EPHA6: variants seen among roughly 807,000 people sequenced by gnomAD.
EPHA6 encodes the protein ephrin type-A receptor 6.
Under a neutral mutation model 112.0 loss-of-function variants are expected in EPHA6, and 50 were observed. The ratio of observed to expected loss-of-function variants is 0.45; its 90% CI spans 0.36 to 0.56. The LOEUF (loss-of-function observed/expected upper bound fraction) is 0.56. EPHA6 is among the 20% of genes least tolerant of loss of function. EPHA6 has a pLI of 0.00. For synonymous variants in EPHA6, 529 were observed against 490.7 expected, an observed-to-expected ratio of 1.08 and a Z score of -1.03; for missense variants, 1,280 against 1,417.4, an observed-to-expected ratio of 0.90 and a Z score of 1.56.
chr3:96,902,126 G>A (rs748199276), intron 2 of EPHA6, among the ~76,000 whole-genome samples: 60 of 152,280 alleles, frequency 3.9e-4, no homozygotes, highest in Non-Finnish European at 2.8e-4. Context: ...CCATGGAAAG[G>A]ACAAGGACGA....
intron 3 of EPHA6, among the ~76,000 whole-genome samples, chr3:97,129,524 A>C (rs1035139875): frequency 3.3e-5 from 5 of 152,010 alleles, no homozygotes; most frequent in Admixed American, 6.6e-5. Flanking sequence ...CAAACAAAAA[A>C]AAAAACAACA....
intron 14 of EPHA6, among the ~76,000 whole-genome samples, chr3:97,638,957 C>A (rs979057231): frequency 1.3e-5 from 2 of 152,010 alleles, no homozygotes; most frequent in Non-Finnish European, 2.9e-5. Context: ...ATTATTGAGT[C>A]CTTTTTTATT....
intron 5 of EPHA6, among the ~76,000 whole-genome samples, chr3:97,374,143 T>C: frequency 6.6e-6 from 1 of 152,114 alleles, no homozygotes; most frequent in East Asian, 1.9e-4. Flanking sequence ...AAAGTATAAG[T>C]TAAGGCAAAG....
intron 15 of EPHA6, among the ~76,000 whole-genome samples, chr3:97,724,150 T>C (rs1191081303): frequency 6.6e-6 from 1 of 152,214 alleles, no homozygotes; most frequent in Non-Finnish European, 1.5e-5. Flanking sequence ...AATGTTACCA[T>C]GTTTTATGAT....
intron 14 of EPHA6, among the ~76,000 whole-genome samples, chr3:97,692,751 G>A (rs1290496953): frequency 6.6e-6 from 1 of 152,116 alleles, no homozygotes; most frequent in African/African-American, 2.4e-5. Context: ...ACATCACTGT[G>A]GCTCAGTTTT....
intron 3 of EPHA6, among the ~76,000 whole-genome samples, chr3:97,098,632 C>A (rs1056550762): frequency 2.6e-5 from 4 of 151,650 alleles, no homozygotes; most frequent in Non-Finnish European, 4.4e-5. Context: ...AGTAGTTGAA[C>A]CTCTAAGACT....
At chr3:97,083,774 A>AT (rs139463653) in intron 3 of EPHA6, among the ~76,000 whole-genome samples, 2,053 of 152,002 alleles carry the variant, frequency 0.014, 21 homozygotes, top group Middle Eastern at 0.041. Flanking sequence ...TTGCAGGCAT[A>AT]TATACACAAA....
At chr3:97,631,067 T>C (rs914667388) in intron 13 of EPHA6, among the ~76,000 whole-genome samples, 4 of 151,998 alleles carry the variant, frequency 2.6e-5, no homozygotes, top group African/African-American at 9.7e-5. Context: ...ACTATTCTAA[T>C]TCCTCCAGAT....
intron 3 of EPHA6, among the ~76,000 whole-genome samples, chr3:97,113,362 C>T (rs1220304461): frequency 6.6e-6 from 1 of 151,790 alleles, no homozygotes; most frequent in East Asian, 1.9e-4. Flanking sequence ...ATGCAGTTGC[C>T]AAAAAAGACT....
At chr3:97,604,333 C>A (rs1405006041) in intron 12 of EPHA6, among the ~76,000 whole-genome samples, 1 of 151,540 alleles carries the variant, frequency 6.6e-6, no homozygotes, top group Non-Finnish European at 1.5e-5. Flanking sequence ...TATAGAGTAA[C>A]CAATCATCCT....
intron 11 of EPHA6, among the ~76,000 whole-genome samples, chr3:97,574,793 A>T (rs1425576110): frequency 1.3e-5 from 2 of 152,184 alleles, no homozygotes; most frequent in African/African-American, 4.8e-5. Context: ...TTTCACTAGT[A>T]GCCAGTGATA....
chr3:97,386,719 G>T (rs1269129591), intron 5 of EPHA6, among the ~76,000 whole-genome samples: 2 of 152,204 alleles, frequency 1.3e-5, no homozygotes, highest in Non-Finnish European at 2.9e-5. Flanking sequence ...TATACACTGT[G>T]CCAGTTGTGA....
chr3:97,727,034 T>G (rs1023976861), intron 15 of EPHA6, among the ~76,000 whole-genome samples: 3 of 152,014 alleles, frequency 2.0e-5, no homozygotes. Context: ...AAAATCACCT[T>G]GAAGCACTTT....
chr3:97,567,283 AC>A (rs1165825785), intron 11 of EPHA6, among the ~76,000 whole-genome samples: 5 of 152,226 alleles, frequency 3.3e-5, no homozygotes, highest in African/African-American at 4.8e-5. Flanking sequence ...GATTTGAAGA[AC>A]AAAAAAAACT....
chr3:97,725,663 T>C (rs2034730017), intron 15 of EPHA6, among the ~76,000 whole-genome samples: 1 of 152,136 alleles, frequency 6.6e-6, no homozygotes, highest in Non-Finnish European at 1.5e-5. Context: ...TATTGACATT[T>C]GGGGCCAAAA....
At chr3:97,458,980 T>C (rs2090793420) in intron 7 of EPHA6, among the ~76,000 whole-genome samples, 1 of 152,118 alleles carries the variant, frequency 6.6e-6, no homozygotes, top group Non-Finnish European at 1.5e-5. Flanking sequence ...CAATATGTAT[T>C]GTATAAGGGA....
At chr3:97,579,561 C>G (rs149734280) in intron 11 of EPHA6, among the ~76,000 whole-genome samples, 2 of 152,298 alleles carry the variant, frequency 1.3e-5, no homozygotes, top group East Asian at 3.9e-4. Context: ...CCTCATTCTC[C>G]ATTGACCCTA....
intron 10 of EPHA6, among the ~76,000 whole-genome samples, chr3:97,485,708 G>A (rs1194337967): frequency 1.1e-4 from 17 of 152,328 alleles, no homozygotes; most frequent in Non-Finnish European, 2.2e-4. Flanking sequence ...ATTGAGAAGA[G>A]TGATTGAATT....
At chr3:97,486,897 A>C (rs957485317) in intron 10 of EPHA6, among the ~76,000 whole-genome samples, 5 of 152,236 alleles carry the variant, frequency 3.3e-5, no homozygotes, top group African/African-American at 9.6e-5. Context: ...CCAATTTGTA[A>C]CTATAAATAT....
Sources: allele counts gnomAD v4.1 joint callset (sites outside exome capture counted in the v4.1 genomes callset), GRCh38; gene constraint gnomAD v4.1.1; transcripts MANE v1.5; gene names NCBI Gene and HGNC (gene_info 2026-07-23, HGNC 2026-07-21).